The following TK1 variants were observed in gnomAD, a reference collection of about 807,000 sequenced individuals.
The protein encoded by TK1 is thymidine kinase 1, also known as thymidine kinase, cytosolic.
TK1 carries 13 observed loss-of-function variants against 22.4 expected under a neutral mutation model. The observed-to-expected ratio is 0.58, with a 90% confidence interval of 0.38 to 0.92. The LOEUF (loss-of-function observed/expected upper bound fraction) is 0.92. Among genes scored for constraint, TK1 ranks in the 40% least tolerant of loss-of-function variants. The pLI is 0.00. For missense variants in TK1, 251 were observed against 315.7 expected, an observed-to-expected ratio of 0.80 and a Z score of 1.55; for synonymous variants, 134 against 125.4, an observed-to-expected ratio of 1.07 and a Z score of -0.46.
intron 4 of TK1, among the ~76,000 whole-genome samples, chr17:78,177,005 G>A (rs2075705237): frequency 6.6e-6 from 1 of 152,180 alleles, no homozygotes; most frequent in African/African-American, 2.4e-5. Flanking sequence ...TCCTGCATCA[G>A]GGTTTCAGGA....
intron 4 of TK1, chr17:78,179,752 T>G: frequency 1.0e-6 from 1 of 985,422 alleles, no homozygotes; most frequent in Non-Finnish European, 1.2e-6. Flanking sequence ...CCAACTCATT[T>G]ATTCTTCCTC....
At position 78,185,167 on chromosome 17, in the gene TK1, T is replaced by C; in HGVS notation, c.99-2A>G. On this transcript the variant is annotated splice_acceptor_variant, in intron 2 of 6. Transcript: ENST00000301634. LOFTEE classifies it high-confidence loss of function. ...CGGACGCGTCTCATCAACTCTGTGC[T>C]GCAAGAGGAGAGAGGGTCAGGTGAG... is the stretch of plus-strand genomic sequence containing the variant. 2 of 1,612,180 alleles carry C rather than the reference T, an allele frequency of 1.2e-6. No individual in the cohort carries two copies. Among genetic ancestry groups the C allele is most frequent in the Non-Finnish European group, 1.7e-6 (2 of 1,179,162 alleles).
At position 78,175,150 on chromosome 17, in the gene TK1, T is replaced by G. The variant is rs751775602; in HGVS notation, c.413A>C (p.Asn138Thr). 1.2e-6 allele frequency: 2 copies of G among 1,610,888 alleles called. No homozygotes were observed. The highest frequency in any genetic ancestry group is 3.4e-5 in the Admixed American group (2 of 59,336). ...CACGCTCTCGGCCAGCGGCACCAGG[T>G]TCAGGATGGCCCCAAATGGCTGCGC... The part of the protein sequence containing the change: ...FQRKPFGAIL[N>T]LVPLAESVVK... Residue 138 changes from asparagine (N) to threonine (T), a missense_variant, in exon 6 of 7, where the codon AAC becomes ACC. Physicochemically the swap from Asn to Thr is moderately conservative, Grantham distance 65. Transcript: ENST00000301634.
At chr17:78,186,735 G>C in intron 2 of TK1, 52 bp downstream of exon 2, 6 of 1,531,246 alleles carry the variant, frequency 3.9e-6, no homozygotes, top group Non-Finnish European at 5.3e-6. Flanking sequence ...ACGGGACAAG[G>C]GGTCCCCGGA....
intron 4 of TK1, 108 bp from the exon 5 acceptor site, chr17:78,175,726 C>G: frequency 1.0e-6 from 1 of 959,972 alleles, no homozygotes; most frequent in East Asian, 2.5e-5. Context: ...CCATTTGGCC[C>G]GGAGTAACTC....
At chr17:78,186,665 AAGGGAAGGGG>A in intron 2 of TK1, 112 bp downstream of exon 2, 4 of 813,588 alleles carry the variant, frequency 4.9e-6, no homozygotes, top group Non-Finnish European at 5.2e-6. Context: ...CTTCTAGGGG[AAGGGAAGGGG>A]AGGGAAGGGA....
intron 4 of TK1, among the ~76,000 whole-genome samples, chr17:78,178,027 C>T (rs373269232): frequency 6.6e-6 from 1 of 152,092 alleles, no homozygotes; most frequent in African/African-American, 2.4e-5. Context: ...TGTGCCACCA[C>T]GCTTGGCTAA....
At chr17:78,182,094 C>A (rs557852748) in intron 4 of TK1, among the ~76,000 whole-genome samples, 120 of 152,180 alleles carry the variant, frequency 7.9e-4, no homozygotes, top group African/African-American at 2.8e-3. Context: ...GGTACAATGG[C>A]CAGGTGTGGT....
In TK1 at chr17:78,174,656, C is replaced by G. The variant is rs2075684021; in HGVS notation, c.*103G>C. ...CCCAGAAGGCCAAGGTGTGGTCACC[C>G]TCCACGCCTCCCGACTTCCTCCTGG... On this transcript the variant is annotated 3_prime_UTR_variant, in exon 7 of 7. Coordinates refer to ENST00000301634, the MANE Select transcript of TK1 (RefSeq NM_003258.5). The G allele has an allele frequency of 1.5e-6, 2 of 1,358,670 alleles. No homozygotes were observed. Among genetic ancestry groups the G allele is most frequent in the South Asian group, 1.5e-5 (1 of 67,534 alleles). The allele number at this position is 1,358,670 out of a possible 1,614,324, so 84.2% of individuals were successfully genotyped here.
chr17:78,182,686 G>T lies in TK1; in HGVS notation c.210-4C>A. 1 of 1,567,192 alleles carries T rather than the reference G, an allele frequency of 6.4e-7. No homozygotes were observed. ...GGGCAGTGCCTCCATGGTGTTCCTG[G>T]GAAGAGAAAGCCAGAGCGTGAGCAG... is the stretch of plus-strand genomic sequence containing the variant. On this transcript the variant is annotated splice_region_variant and splice_polypyrimidine_tract_variant and intron_variant, in intron 3 of 6. Coordinates refer to ENST00000301634, the MANE Select transcript of TK1 (RefSeq NM_003258.5).
upstream of TK1, chr17:78,187,163 G>A (rs1204298438): frequency 1.4e-5 from 13 of 908,500 alleles, no homozygotes; most frequent in Non-Finnish European, 2.3e-5. Context: ...GGGAGATTTG[G>A]CCGCAGCCCG....
intron 4 of TK1, among the ~76,000 whole-genome samples, chr17:78,177,249 C>A (rs545486829): frequency 6.6e-6 from 1 of 152,214 alleles, no homozygotes; most frequent in Non-Finnish European, 1.5e-5. Context: ...CTGAAAGGCT[C>A]CAAAATCTGA....
At chr17:78,184,901 G>A (rs537118593) in intron 3 of TK1, among the ~76,000 whole-genome samples, 154 bp downstream of exon 3, 34 of 152,092 alleles carry the variant, frequency 2.2e-4, no homozygotes, top group Non-Finnish European at 3.7e-4. Flanking sequence ...GGAGTGGAGA[G>A]TGTGCGCTAC....
chr17:78,179,493 G>A (rs530292513), intron 4 of TK1: 7 of 985,438 alleles, frequency 7.1e-6, no homozygotes, highest in Admixed American at 6.1e-5. Context: ...AACCCAGAGC[G>A]GACACTGGCA....
At position 78,174,893 on chromosome 17, in the gene TK1, T is replaced by C. The variant is rs1438284412; in HGVS notation, c.571A>G (p.Lys191Glu). The change falls in exon 7 of 7, where the codon AAG becomes GAG. Residue 191 changes from lysine (K) to glutamate (E), a missense_variant. By Grantham distance (56) the Lys-to-Glu change is moderately conservative. Coordinates refer to ENST00000301634, the MANE Select transcript of TK1 (RefSeq NM_003258.5). ...CCGGCAGGCTGGCCTGAGGCCTTCT[T>C]GAAGTAGCAGAGCCGACACACGGAG... ...YHSVCRLCYF[K>E]KASGQPAGPD... 1.9e-5 allele frequency: 31 copies of C among 1,613,932 alleles called. No homozygotes were observed. Among genetic ancestry groups the C allele is most frequent in the Non-Finnish European group, 2.6e-5 (31 of 1,179,878 alleles).
chr17:78,178,554 G>A (rs1467883694), intron 4 of TK1, among the ~76,000 whole-genome samples: 2 of 152,196 alleles, frequency 1.3e-5, no homozygotes, highest in African/African-American at 2.4e-5. Flanking sequence ...ATGAAGGAGC[G>A]AAGGACAGTC....
Position 78,175,442 on chromosome 17 carries a change from G to C in TK1, c.393+87C>G. ...CGTAACCCTGTGGTGGCTGAGCCCT[G>C]GTCACCCAGAGCTGGTGTCTCTGTG... On this transcript the variant is annotated intron_variant, in intron 5 of 6. Coordinates refer to ENST00000301634, the MANE Select transcript of TK1 (RefSeq NM_003258.5). The C allele has an allele frequency of 4.4e-6, 6 of 1,355,926 alleles. No individual in the cohort carries two copies. The South Asian group carries it at 8.0e-5, about 18-fold the overall frequency. 84.0% of individuals were successfully genotyped at this position (1,355,926 alleles called of 1,614,324 possible).
At chr17:78,186,052 G>C (rs2075787384) in intron 2 of TK1, among the ~76,000 whole-genome samples, 1 of 151,682 alleles carries the variant, frequency 6.6e-6, no homozygotes, top group Admixed American at 6.6e-5. Context: ...CTTGAGACCA[G>C]GAGTTCAAGA....
At chr17:78,182,173 G>A (rs542837387) in intron 4 of TK1, among the ~76,000 whole-genome samples, 2 of 152,124 alleles carry the variant, frequency 1.3e-5, no homozygotes, top group East Asian at 1.9e-4. Flanking sequence ...TTGGGAGTTT[G>A]AGACCAGCTT....
Sources: allele counts gnomAD v4.1 joint callset (sites outside exome capture counted in the v4.1 genomes callset), GRCh38; gene constraint gnomAD v4.1.1; transcripts MANE v1.5; gene names NCBI Gene and HGNC (gene_info 2026-07-23, HGNC 2026-07-21).